The following TRPC5 variants were observed in gnomAD, a reference collection of about 807,000 sequenced individuals.
TRPC5 encodes the protein short transient receptor potential channel 5.
In TRPC5, 9 loss-of-function variants were observed where a neutral mutation model predicts 56.5. The ratio of observed to expected loss-of-function variants is 0.16; its 90% CI spans 0.10 to 0.28. TRPC5 has a LOEUF of 0.28. Ranked by LOEUF, TRPC5 falls within the 10% of genes least tolerant of loss-of-function variation. The probability of loss-of-function intolerance (pLI) is 1.00; values close to 1 mark genes in which losing one functional copy is unlikely to be tolerated. For synonymous variants in TRPC5, 282 were observed against 278.5 expected, an observed-to-expected ratio of 1.01 and a Z score of -0.13; for missense variants, 469 against 748.9, an observed-to-expected ratio of 0.63 and a Z score of 4.36.
intron 1 of TRPC5, among the ~76,000 whole-genome samples, chrX:112,051,734 T>G (rs1189899202): frequency 8.9e-6 from 1 of 112,156 alleles, no homozygotes; most frequent in Non-Finnish European, 1.9e-5. Context: ...TCTAGAACTA[T>G]TTTCATCTTG....
intron 2 of TRPC5, among the ~76,000 whole-genome samples, chrX:111,944,714 CA>C (rs1926889355): frequency 9.0e-6 from 1 of 110,989 alleles, no homozygotes. Context: ...ACTACAGAGA[CA>C]CAGAAGAAAG....
At chrX:112,049,323 C>T (rs1438245228) in intron 1 of TRPC5, among the ~76,000 whole-genome samples, 1 of 108,744 alleles carries the variant, frequency 9.2e-6, no homozygotes, top group African/African-American at 3.4e-5. Flanking sequence ...TTATGCTGCC[C>T]TGCCCTCCAT....
intron 1 of TRPC5, among the ~76,000 whole-genome samples, chrX:111,962,669 G>A (rs1272321038): frequency 8.9e-6 from 1 of 112,557 alleles, no homozygotes; most frequent in Non-Finnish European, 1.9e-5. Context: ...CATAAACTTA[G>A]TTGATAAAAC....
At chrX:111,833,974 TA>T (rs960765969) in intron 7 of TRPC5, among the ~76,000 whole-genome samples, 1 of 111,522 alleles carries the variant, frequency 9.0e-6, no homozygotes, top group African/African-American at 3.3e-5. Flanking sequence ...AATCTAGCAT[TA>T]TAGTAAGAAC....
chrX:112,080,019 C>T (rs1257591126), intron 1 of TRPC5, among the ~76,000 whole-genome samples: 1 of 111,423 alleles, frequency 9.0e-6, no homozygotes, highest in African/African-American at 3.3e-5. Context: ...GTCTGCAACC[C>T]GGTCTTTAGT....
At chrX:111,969,066 A>G (rs1375162387) in intron 1 of TRPC5, among the ~76,000 whole-genome samples, 1 of 110,568 alleles carries the variant, frequency 9.0e-6, no homozygotes, top group East Asian at 2.8e-4. Context: ...AAACAAAAAA[A>G]ATTGCCACAG....
chrX:111,862,414 T>G (rs1437968084), intron 3 of TRPC5, among the ~76,000 whole-genome samples: 1 of 111,965 alleles, frequency 8.9e-6, no homozygotes, highest in African/African-American at 3.2e-5. Flanking sequence ...TTCTATGTAT[T>G]TTATAGGGTT....
chrX:111,969,564 G>A (rs1043924935), intron 1 of TRPC5, among the ~76,000 whole-genome samples: 2 of 112,245 alleles, frequency 1.8e-5, no homozygotes, highest in African/African-American at 6.5e-5. Context: ...GTTAGCTGAA[G>A]TTATTGGGTG....
intron 1 of TRPC5, among the ~76,000 whole-genome samples, chrX:112,022,288 TAA>T (rs1244708807): frequency 8.9e-6 from 1 of 112,370 alleles, no homozygotes; most frequent in African/African-American, 3.2e-5. Flanking sequence ...ACTAAACCAT[TAA>T]AGTACAGGCA....
Position 111,886,324 on chromosome X carries a change from A to T in TRPC5, c.900+25967T>A, listed in dbSNP as rs1373451485. On this transcript the variant is annotated intron_variant, in intron 3 of 10. Coordinates refer to ENST00000262839, the MANE Select transcript of TRPC5 (RefSeq NM_012471.3). ...TTTCTTCCATCCGGCCTACTTCCTC[A>T]GTGTCAGATACTTCAGTACATACCC... is the stretch of plus-strand genomic sequence containing the variant. 1.3e-4 allele frequency among the ~76,000 whole-genome samples: 15 copies of T among 112,397 alleles called. No individual in the cohort carries two copies. The Admixed American group carries it at 1.4e-3, about 11-fold the overall frequency.
chrX:111,956,025 T>C (rs1161980395), intron 1 of TRPC5, among the ~76,000 whole-genome samples: 3 of 112,770 alleles, frequency 2.7e-5, no homozygotes, highest in Non-Finnish European at 3.7e-5. Flanking sequence ...CCCTCTTTTC[T>C]TTGCTGCTGG....
At chrX:111,909,108 A>AC (rs1211117957) in intron 3 of TRPC5, among the ~76,000 whole-genome samples, 1 of 107,011 alleles carries the variant, frequency 9.3e-6, no homozygotes, top group East Asian at 2.9e-4. Flanking sequence ...GCATGGCGAA[A>AC]CCCCGTCTCT....
intron 7 of TRPC5, among the ~76,000 whole-genome samples, chrX:111,821,217 G>A (rs1922019101): frequency 8.9e-6 from 1 of 111,790 alleles, no homozygotes; most frequent in East Asian, 2.8e-4. Context: ...AAGTCTTTGT[G>A]ATTAGCTCAC....
chrX:111,854,118 A>T lies in TRPC5; in HGVS notation c.901-12T>A, dbSNP rs774726069. On this transcript the variant is annotated splice_polypyrimidine_tract_variant and intron_variant, in intron 3 of 10. Coordinates refer to ENST00000262839, the MANE Select transcript of TRPC5 (RefSeq NM_012471.3). ...GGCTGAGCAACAAACTGGGAAAAGA[A>T]GAAAACAAGTTAGGCATCTGGAATG... 8.4e-7 allele frequency: 1 copy of T among 1,194,245 alleles called. No homozygotes were observed. The highest frequency in any genetic ancestry group is 1.8e-5 in the South Asian group (1 of 54,840).
chrX:111,997,632 A>T (rs1452030326), intron 1 of TRPC5, among the ~76,000 whole-genome samples: 2 of 110,828 alleles, frequency 1.8e-5, no homozygotes, highest in Non-Finnish European at 3.8e-5. Context: ...TACACCAATC[A>T]AACATAGATT....
At chrX:112,021,327 C>T (rs777332227) in intron 1 of TRPC5, among the ~76,000 whole-genome samples, 17 of 111,545 alleles carry the variant, frequency 1.5e-4, no homozygotes, top group African/African-American at 3.9e-4. Flanking sequence ...GTAGAATAAA[C>T]GAAACAAAAA....
At chrX:111,965,440 C>G (rs1476606256) in intron 1 of TRPC5, among the ~76,000 whole-genome samples, 6 of 111,401 alleles carry the variant, frequency 5.4e-5, no homozygotes, top group Non-Finnish European at 9.4e-5. Context: ...AAAAGTATAT[C>G]AAGGAATTGA....
At position 111,771,050 on chromosome X, in the gene TRPC5, C is replaced by G. The variant is rs933104420; in HGVS notation, c.*5263G>C. Among the ~76,000 whole-genome samples the G allele has an allele frequency of 9.0e-6, 1 of 111,726 alleles. No homozygotes were observed. The highest frequency in any genetic ancestry group is 9.5e-5 in the Admixed American group (1 of 10,485). ...ACCTTCACGTTGCAAGTCATTCTAA[C>G]CTACTTCAGTTAGTCTTTTTTGGTT... On this transcript the variant is annotated 3_prime_UTR_variant, in exon 11 of 11. Coordinates refer to ENST00000262839, the MANE Select transcript of TRPC5 (RefSeq NM_012471.3).
At chrX:111,853,627 A>G in intron 4 of TRPC5, 143 bp downstream of exon 4, 2 of 521,328 alleles carry the variant, frequency 3.8e-6, no homozygotes, top group Non-Finnish European at 6.4e-6. Context: ...CATTTCTGAG[A>G]CTCTCAACAA....
Sources: gnomAD v4.1 joint callset for allele counts (sites outside exome capture counted in the v4.1 genomes callset) on GRCh38, gnomAD v4.1.1 for gene constraint, MANE v1.5 for transcripts, NCBI Gene and HGNC (gene_info 2026-07-23, HGNC 2026-07-21) for gene names.